The following FHOD3 variants were observed in gnomAD, a reference collection of about 807,000 sequenced individuals.
FHOD3 encodes the protein formin homology 2 domain containing 3, also known as FH1/FH2 domain-containing protein 3.
FHOD3 carries 90 observed loss-of-function variants against 173.0 expected under a neutral mutation model. The observed-to-expected ratio is 0.52, with a 90% CI of 0.44 to 0.62. FHOD3 has a LOEUF of 0.62. Ranked by LOEUF, FHOD3 falls within the 20% of genes least tolerant of loss-of-function variation. The probability of loss-of-function intolerance (pLI) is 0.00; values close to 1 mark genes in which losing one functional copy is unlikely to be tolerated. For synonymous variants in FHOD3, 828 were observed against 823.0 expected (o/e 1.01, Z -0.10); for missense variants, 1,945 against 2,034.7 (o/e 0.96, Z 0.85).
intron 3 of FHOD3, among the ~76,000 whole-genome samples, chr18:36,392,046 C>T (rs1169278557): frequency 6.6e-6 from 1 of 152,204 alleles, no homozygotes; most frequent in Non-Finnish European, 1.5e-5. Context: ...TGGCACTGGA[C>T]CCTGGTGTAG....
chr18:36,673,400 C>T (rs990267571), intron 14 of FHOD3, among the ~76,000 whole-genome samples: 2 of 152,132 alleles, frequency 1.3e-5, no homozygotes, highest in Non-Finnish European at 2.9e-5. Context: ...CTGAAACCAG[C>T]CCTTTTATTA....
intron 15 of FHOD3, among the ~76,000 whole-genome samples, chr18:36,685,875 A>G (rs1211053665): frequency 6.6e-6 from 1 of 152,220 alleles, no homozygotes; most frequent in Non-Finnish European, 1.5e-5. Flanking sequence ...AAACATTAAA[A>G]TTAAGAAAAC....
intron 3 of FHOD3, among the ~76,000 whole-genome samples, chr18:36,489,474 A>G (rs1419698846): frequency 6.6e-6 from 1 of 152,098 alleles, no homozygotes; most frequent in Admixed American, 6.5e-5. Context: ...GTGGTTTGAG[A>G]GCAGCCTGGC....
At position 36,779,430 on chromosome 18, in the gene FHOD3, C is replaced by T. The variant is rs201072447; in HGVS notation, c.4787-18C>T. 266 of 1,612,436 alleles carry T rather than the reference C, an allele frequency of 1.6e-4. No individual in the cohort carries two copies. Among genetic ancestry groups the T allele is most frequent in the South Asian group, 5.4e-4 (49 of 91,054 alleles). On this transcript the variant is annotated intron_variant, in intron 28 of 28. Coordinates refer to ENST00000590592, the MANE Select transcript of FHOD3 (RefSeq NM_001281740.3). ...TTTCTTCTCATCCCTTTGGGTGTGA[C>T]CTGCACCACCACTGCAGTGCGAAGA... is the stretch of plus-strand genomic sequence containing the variant.
Position 36,502,017 on chromosome 18 carries a change from A to G in FHOD3, c.405+18A>G. 6.4e-7 allele frequency: 1 copy of G among 1,557,564 alleles called. No individual in the cohort carries two copies. Among genetic ancestry groups the G allele is most frequent in the South Asian group, 1.2e-5 (1 of 86,204 alleles). The stretch of plus-strand genomic sequence containing the variant: ...TATTTCAGGTAAATAGGAAAAAAAT[A>G]AGTACTTACCTGTTTTTACATTGCT... On this transcript the variant is annotated intron_variant, in intron 4 of 28. Transcript: ENST00000590592.
chr18:36,627,028 A>G (rs1369513943), intron 10 of FHOD3, among the ~76,000 whole-genome samples: 1 of 152,152 alleles, frequency 6.6e-6, no homozygotes, highest in East Asian at 1.9e-4. Flanking sequence ...ACAGGCTTTT[A>G]TGTTTCTGAG....
chr18:36,365,357 A>G (rs2046847920), intron 2 of FHOD3, among the ~76,000 whole-genome samples: 1 of 152,234 alleles, frequency 6.6e-6, no homozygotes, highest in Non-Finnish European at 1.5e-5. Flanking sequence ...AAATGTTTGT[A>G]AATCATATAT....
At chr18:36,460,331 C>T (rs2144688931) in intron 3 of FHOD3, among the ~76,000 whole-genome samples, 1 of 152,274 alleles carries the variant, frequency 6.6e-6, no homozygotes, top group East Asian at 1.9e-4. Flanking sequence ...TTTATTCTTC[C>T]CATTGTATGT....
intron 1 of FHOD3, among the ~76,000 whole-genome samples, chr18:36,317,709 G>C (rs773503338): frequency 1.4e-4 from 21 of 152,154 alleles, no homozygotes; most frequent in Non-Finnish European, 2.6e-4. Flanking sequence ...TTCTTTTGCT[G>C]TGCAGAAGCT....
intron 7 of FHOD3, 23 bp downstream of exon 7, chr18:36,594,921 T>G (rs372909369): frequency 1.3e-6 from 2 of 1,511,030 alleles, no homozygotes; most frequent in African/African-American, 2.7e-5. Flanking sequence ...TGCCCCCTTA[T>G]GTCATGAAGG....
At chr18:36,382,732 T>C (rs1164945188) in intron 3 of FHOD3, among the ~76,000 whole-genome samples, 2 of 152,234 alleles carry the variant, frequency 1.3e-5, no homozygotes, top group Non-Finnish European at 1.5e-5. Flanking sequence ...CTGCCTCTGT[T>C]ACCTTGACTT....
At chr18:36,490,846 CAAAG>C (rs1382974345) in intron 3 of FHOD3, among the ~76,000 whole-genome samples, 1 of 152,210 alleles carries the variant, frequency 6.6e-6, no homozygotes, top group East Asian at 1.9e-4. Context: ...CTGAAGGTAA[CAAAG>C]AAGCATCTGG....
intron 3 of FHOD3, among the ~76,000 whole-genome samples, chr18:36,439,111 G>T (rs1344437485): frequency 2.6e-5 from 4 of 152,188 alleles, no homozygotes; most frequent in African/African-American, 9.7e-5. Flanking sequence ...AAACAGTACA[G>T]CATCTTATTA....
intron 3 of FHOD3, among the ~76,000 whole-genome samples, chr18:36,468,350 T>G (rs1160208426): frequency 6.6e-6 from 1 of 151,794 alleles, no homozygotes; most frequent in Non-Finnish European, 1.5e-5. Context: ...CTAGACGTGG[T>G]GATAAGGGCC....
intron 25 of FHOD3, among the ~76,000 whole-genome samples, chr18:36,755,964 C>T (rs903571196): frequency 6.6e-6 from 1 of 152,148 alleles, no homozygotes; most frequent in Admixed American, 6.5e-5. Flanking sequence ...GGGCTCTTTC[C>T]CCATCTCTCC....
At chr18:36,407,245 A>G (rs1411070639) in intron 3 of FHOD3, among the ~76,000 whole-genome samples, 1 of 152,250 alleles carries the variant, frequency 6.6e-6, no homozygotes, top group Non-Finnish European at 1.5e-5. Context: ...ATAAGGCCAC[A>G]GAGCTTTTTT....
intron 9 of FHOD3, among the ~76,000 whole-genome samples, chr18:36,616,387 G>A (rs2148675464): frequency 6.6e-6 from 1 of 152,294 alleles, no homozygotes; most frequent in South Asian, 2.1e-4. Flanking sequence ...GTGAAGAATA[G>A]CCTTGATACC....
chr18:36,311,396 A>G (rs1445519058), intron 1 of FHOD3, among the ~76,000 whole-genome samples: 1 of 152,154 alleles, frequency 6.6e-6, no homozygotes, highest in Non-Finnish European at 1.5e-5. Flanking sequence ...TCCACAGAGT[A>G]ACACAAATAA....
intron 7 of FHOD3, among the ~76,000 whole-genome samples, chr18:36,598,533 A>T (rs746323208): frequency 2.0e-5 from 3 of 151,616 alleles, no homozygotes; most frequent in African/African-American, 7.3e-5. Context: ...ATCAGTGTTT[A>T]TGAAGAAGGA....
Sources: allele counts gnomAD v4.1 joint callset (sites outside exome capture counted in the v4.1 genomes callset), GRCh38; gene constraint gnomAD v4.1.1; transcripts MANE v1.5; gene names NCBI Gene and HGNC (gene_info 2026-07-23, HGNC 2026-07-21).